SFXN2: variants seen among roughly 807,000 people sequenced by gnomAD.
The protein encoded by SFXN2 is sideroflexin-2.
A neutral mutation model predicts 41.9 loss-of-function variants in SFXN2; 37 were observed. The observed-to-expected ratio is 0.88, with a 90% CI of 0.68 to 1.16. The LOEUF (loss-of-function observed/expected upper bound fraction) is 1.16, where lower values mean the gene tolerates loss of function less well. SFXN2 is among the 50% of genes most tolerant of loss of function. SFXN2 has a pLI of 0.00. For synonymous variants in SFXN2, 150 were observed against 156.7 expected, an observed-to-expected ratio of 0.96 and a Z score of 0.32; for missense variants, 386 against 425.2, an observed-to-expected ratio of 0.91 and a Z score of 0.81.
chr10:102,729,744 C>T lies in SFXN2; in HGVS notation c.529C>T (p.Arg177Cys), dbSNP rs373424146. 131 of 1,613,924 alleles carry T rather than the reference C, an allele frequency of 8.1e-5. No homozygotes were observed. Among genetic ancestry groups the T allele is most frequent in the Non-Finnish European group, 1.1e-4 (130 of 1,180,050 alleles). Reference protein sequence around the residue: ...LTKKAPPLVGRWVPFAAVAAA... With the variant: ...LTKKAPPLVGCWVPFAAVAAA... The stretch of plus-strand genomic sequence containing the variant: ...ACAGAAAGCGCCGCCCTTGGTGGGC[C>T]GCTGGGTGCCCTTTGCCGCTGTGGC... Residue 177 changes from arginine to cysteine, a missense_variant, in exon 6 of 12, where the codon CGC (arginine) becomes TGC (cysteine). Transcript: ENST00000369893.
Position 102,742,807 on chromosome 10 carries a change from T to G in SFXN2, c.*5045T>G, listed in dbSNP as rs940252429. 1.3e-5 allele frequency: 2 copies of G among 152,168 alleles called. No individual in the cohort carries two copies. Among genetic ancestry groups the G allele is most frequent in the African/African-American group, 2.4e-5 (1 of 41,424 alleles). 9.4% of individuals were successfully genotyped at this position (152,168 alleles called of 1,614,324 possible). A position where few individuals can be genotyped will look rare whatever the true frequency, so the allele number is the denominator to read the frequency against. Reference sequence around the variant, plus strand: ...TTGATCAAGCTCTGGTTGAGCCTTGTACAGGATATTATAGGCTTTAAAAGA... The same window carrying G: ...TTGATCAAGCTCTGGTTGAGCCTTGGACAGGATATTATAGGCTTTAAAAGA... On this transcript the variant is annotated 3_prime_UTR_variant, in exon 12 of 12. Coordinates refer to ENST00000369893, the MANE Select transcript of SFXN2 (RefSeq NM_178858.6).
intron 6 of SFXN2, among the ~76,000 whole-genome samples, chr10:102,730,024 G>A (rs946469526): frequency 4.6e-5 from 7 of 152,182 alleles, no homozygotes; most frequent in African/African-American, 1.7e-4. Flanking sequence ...TCCCGTGGGA[G>A]TCCTCTCCTG....
chr10:102,732,980 G>A, intron 9 of SFXN2, 72 bp downstream of exon 9: 2 of 1,496,864 alleles, frequency 1.3e-6, no homozygotes, highest in East Asian at 2.3e-5. Context: ...AGGGATACCT[G>A]ACCTGCCCTC....
intron 1 of SFXN2, among the ~76,000 whole-genome samples, chr10:102,724,442 G>T (rs1399550204): frequency 6.6e-6 from 1 of 152,098 alleles, no homozygotes; most frequent in Non-Finnish European, 1.5e-5. Context: ...GGTGGCTCAC[G>T]CCTGTAATCC....
At position 102,742,859 on chromosome 10, in the gene SFXN2, A is replaced by G. The variant is rs1174569474; in HGVS notation, c.*5097A>G. On this transcript the variant is annotated 3_prime_UTR_variant, in exon 12 of 12. Transcript: ENST00000369893. ...GAAGAAGAAAGACCTGGTATGCTGT[A>G]CAAAAAACTGCAAACCAGGCACGCA... 1 of 152,272 alleles carries G rather than the reference A, an allele frequency of 6.6e-6. No homozygotes were observed. The highest frequency in any genetic ancestry group is 2.4e-5 in the African/African-American group (1 of 41,470). The allele number at this position is 152,272 out of a possible 1,614,324, so 9.4% of individuals were successfully genotyped here.
In SFXN2 at chr10:102,735,244, C is replaced by T. The variant is rs190072822; in HGVS notation, c.822-618C>T. ...CCTTCTCCCTCTCCATGTTGCTCCT[C>T]CCTGTCCAAGTAGTTCTTCCTACTC... On this transcript the variant is annotated intron_variant, in intron 10 of 11. Coordinates refer to ENST00000369893, the MANE Select transcript of SFXN2 (RefSeq NM_178858.6). 6.0e-5 allele frequency among the ~76,000 whole-genome samples: 9 copies of T among 149,234 alleles called. No homozygotes were observed. The East Asian group carries it at 1.6e-3, about 27-fold the overall frequency.
rs1590159126 is a variant in SFXN2, at chr10:102,739,056, C to T, written c.*1294C>T. Reference sequence around the variant, plus strand: ...CTGCCCTAGGTGATTTCTCAAGCTCCTTGGGGGACTGTTGTTTCTCATCTG... The same window carrying T: ...CTGCCCTAGGTGATTTCTCAAGCTCTTTGGGGGACTGTTGTTTCTCATCTG... On this transcript the variant is annotated 3_prime_UTR_variant, in exon 12 of 12. Coordinates refer to ENST00000369893, the MANE Select transcript of SFXN2 (RefSeq NM_178858.6). 2.0e-5 allele frequency: 3 copies of T among 152,672 alleles called. No homozygotes were observed. The highest frequency in any genetic ancestry group is 6.5e-5 in the Admixed American group (1 of 15,306). The allele number at this position is 152,672 out of a possible 1,614,324, so 9.5% of individuals were successfully genotyped here.
Position 102,738,406 on chromosome 10 carries a change from C to G in SFXN2, c.*644C>G, listed in dbSNP as rs1269708749. ...CTGCCTCCTGGATTCAAGCGATTCT[C>G]CTGCCTCAGCCTCTCAAGTAGCTGG... On this transcript the variant is annotated 3_prime_UTR_variant, in exon 12 of 12. Coordinates refer to ENST00000369893, the MANE Select transcript of SFXN2 (RefSeq NM_178858.6). The G allele has an allele frequency of 6.6e-6, 1 of 152,216 alleles. No individual in the cohort carries two copies. The highest frequency in any genetic ancestry group is 1.5e-5 in the Non-Finnish European group (1 of 68,142). 9.4% of individuals were successfully genotyped at this position (152,216 alleles called of 1,614,324 possible).
intron 5 of SFXN2, 91 bp from the exon 6 acceptor site, chr10:102,729,632 G>C (rs2136049849): frequency 7.2e-7 from 1 of 1,384,926 alleles, no homozygotes; most frequent in Non-Finnish European, 1.0e-6. Flanking sequence ...GCAAGGCCTA[G>C]TTTTCTTTTT....
In SFXN2 at chr10:102,727,173, A is replaced by G; in HGVS notation, c.332+16A>G. The G allele has an allele frequency of 6.3e-7, 1 of 1,587,748 alleles. No individual in the cohort carries two copies. ...AGTTCTACAGGTGGGACCTGGGGGCAGGGCCGTGGGAGGTACAGCTGCCTG... is the reference window on the plus strand; with the variant it reads ...AGTTCTACAGGTGGGACCTGGGGGCGGGGCCGTGGGAGGTACAGCTGCCTG... On this transcript the variant is annotated intron_variant, in intron 3 of 11. Transcript: ENST00000369893.
intron 1 of SFXN2, chr10:102,716,133 A>T (rs1054951231): frequency 2.0e-5 from 3 of 152,098 alleles, no homozygotes; most frequent in Non-Finnish European, 2.9e-5. Flanking sequence ...TGCTCTTTCT[A>T]AGTTGTCTGG....
At chr10:102,721,066 C>T (rs541452417) in intron 1 of SFXN2, among the ~76,000 whole-genome samples, 19 of 152,308 alleles carry the variant, frequency 1.2e-4, no homozygotes, top group African/African-American at 3.6e-4. Flanking sequence ...AGCCATTACC[C>T]GCGTTGCTCC....
At chr10:102,721,091 G>T (rs1176313590) in intron 1 of SFXN2, among the ~76,000 whole-genome samples, 1 of 152,142 alleles carries the variant, frequency 6.6e-6, no homozygotes, top group African/African-American at 2.4e-5. Context: ...CCCCTGGGAT[G>T]GTCTGTTGCT....
intron 1 of SFXN2, among the ~76,000 whole-genome samples, chr10:102,718,840 C>T (rs1195075264): frequency 6.6e-6 from 1 of 151,826 alleles, no homozygotes; most frequent in Non-Finnish European, 1.5e-5. Flanking sequence ...GGATTACAGG[C>T]CTGTGCCTGT....
In SFXN2 at chr10:102,743,299, A is replaced by G. The variant is rs1331017942; in HGVS notation, c.*5537A>G. ...GCAATGGATGATGGATTTCAGAGCA[A>G]TTTGTGAAGTAGAACCAGAATTTTG... On this transcript the variant is annotated 3_prime_UTR_variant, in exon 12 of 12. Coordinates refer to ENST00000369893, the MANE Select transcript of SFXN2 (RefSeq NM_178858.6). 2 of 152,204 alleles carry G rather than the reference A, an allele frequency of 1.3e-5. No individual in the cohort carries two copies. The highest frequency in any genetic ancestry group is 4.8e-5 in the African/African-American group (2 of 41,446). The allele number at this position is 152,204 out of a possible 1,614,324, so 9.4% of individuals were successfully genotyped here.
intron 8 of SFXN2, 137 bp downstream of exon 8, chr10:102,732,355 T>C: frequency 4.3e-6 from 3 of 703,826 alleles, no homozygotes; most frequent in Non-Finnish European, 4.8e-6. Context: ...TTGATTGCTG[T>C]AAGCCTAGAA....
In SFXN2 at chr10:102,718,986, C is replaced by T. The variant is rs535081073; in HGVS notation, c.-26+4305C>T. On this transcript the variant is annotated intron_variant, in intron 1 of 11. Transcript: ENST00000369893. ...GTTGCCAAGATGGAGTGCAGTGGCG[C>T]CATCTCGGCTCGCTGCAACCTTCAC... Among the ~76,000 whole-genome samples the T allele has an allele frequency of 4.1e-5, 6 of 146,276 alleles. No homozygotes were observed. The East Asian group carries it at 9.9e-4, about 24-fold the overall frequency.
intron 8 of SFXN2, among the ~76,000 whole-genome samples, chr10:102,732,512 T>C (rs1219840008): frequency 6.6e-6 from 1 of 152,232 alleles, no homozygotes; most frequent in African/African-American, 2.4e-5. Context: ...ATAAATTCCC[T>C]GCTTTGGTTT....
chr10:102,732,130 A>C (rs2064713541), intron 7 of SFXN2, 22 bp from the exon 8 acceptor site: 1 of 1,609,854 alleles, frequency 6.2e-7, no homozygotes, highest in Non-Finnish European at 8.5e-7. Flanking sequence ...ATTTCTGACA[A>C]CTTACTATTT....
Sources: allele counts gnomAD v4.1 joint callset (sites outside exome capture counted in the v4.1 genomes callset), GRCh38; gene constraint gnomAD v4.1.1; transcripts MANE v1.5; gene names NCBI Gene and HGNC (gene_info 2026-07-23, HGNC 2026-07-21).